The following DHRS3 variants were observed in gnomAD, a reference collection of about 807,000 sequenced individuals.
DHRS3 encodes dehydrogenase/reductase 3, also known as short-chain dehydrogenase/reductase 3.
Under a neutral mutation model 27.2 loss-of-function variants are expected in DHRS3, and 14 were observed. That is an observed-to-expected ratio of 0.52 (90% confidence interval 0.34 to 0.81). The LOEUF (loss-of-function observed/expected upper bound fraction) is 0.81. Ranked by LOEUF, DHRS3 falls within the 30% of genes least tolerant of loss-of-function variation. The pLI, the probability that DHRS3 is intolerant of heterozygous loss-of-function variation, is 0.01. For synonymous variants in DHRS3, 165 were observed against 175.9 expected, an observed-to-expected ratio of 0.94 and a Z score of 0.49; for missense variants, 322 against 406.2, an observed-to-expected ratio of 0.79 and a Z score of 1.78.
Position 12,618,107 on chromosome 1 carries a change from T to A in DHRS3, c.-759A>T, listed in dbSNP as rs1053258940. Among the ~76,000 whole-genome samples, 1 of 152,072 alleles carries A rather than the reference T, an allele frequency of 6.6e-6. No individual in the cohort carries two copies. The highest frequency in any genetic ancestry group is 6.5e-5 in the Admixed American group (1 of 15,274). Reference sequence around the variant, plus strand: ...CTCTGTTCCAGCAGAGGCTGGGAGTTGCCGCTCGATCCAGCTCCCCTTCTC... The same window carrying A: ...CTCTGTTCCAGCAGAGGCTGGGAGTAGCCGCTCGATCCAGCTCCCCTTCTC... On this transcript the variant is annotated 5_prime_UTR_variant, in exon 1 of 6. Coordinates refer to ENST00000616661, the MANE Select transcript of DHRS3 (RefSeq NM_004753.7). This position sits in a 1 kb window ranked among gnomAD's most constrained non-coding sequence, Gnocchi z 4.2.
chr1:12,603,410 CA>C (rs1269398673), intron 1 of DHRS3, among the ~76,000 whole-genome samples: 1 of 152,134 alleles, frequency 6.6e-6, no homozygotes, highest in East Asian at 1.9e-4. Flanking sequence ...AAATGCACAC[CA>C]AAATCTTAAC....
At chr1:12,582,928 A>T (rs1434860552) in intron 1 of DHRS3, among the ~76,000 whole-genome samples, 1 of 143,406 alleles carries the variant, frequency 7.0e-6, no homozygotes, top group East Asian at 2.1e-4. Flanking sequence ...CCATCCACTT[A>T]CCCACCCCAC....
At position 12,593,903 on chromosome 1, in the gene DHRS3, C is replaced by T. The variant is rs1196556870; in HGVS notation, c.196-13237G>A. Among the ~76,000 whole-genome samples, 2 of 152,248 alleles carry T rather than the reference C, an allele frequency of 1.3e-5. No homozygotes were observed. The highest frequency in any genetic ancestry group is 4.8e-5 in the African/African-American group (2 of 41,468). Reference sequence around the variant, plus strand: ...ACGGGCTGATGTTTCTTTTCACAAACATCCCCAGCCTACAAGACTGGCCAG... The same window carrying T: ...ACGGGCTGATGTTTCTTTTCACAAATATCCCCAGCCTACAAGACTGGCCAG... On this transcript the variant is annotated intron_variant, in intron 1 of 5. Coordinates refer to ENST00000616661, the MANE Select transcript of DHRS3 (RefSeq NM_004753.7). The surrounding 1 kb of genome is among the most constrained non-coding windows in gnomAD (Gnocchi z 4.6).
At position 12,617,237 on chromosome 1, in the gene DHRS3, G is replaced by C. The variant is rs371465880; in HGVS notation, c.112C>G (p.Arg38Gly). 4 of 1,613,720 alleles carry C rather than the reference G, an allele frequency of 2.5e-6. No homozygotes were observed. The Middle Eastern group carries it at 4.9e-4, about 200-fold the overall frequency. The part of the protein sequence containing the change: ...VLPAKLRDLS[R>G]ENVLITGGGR... ...CCGCCGGTGATGAGGACGTTCTCCC[G>C]CGACAGGTCCCGCAGCTTGGCGGGC... The change falls in exon 1 of 6, where the codon CGG (arginine) becomes GGG (glycine). Residue 38 changes from arginine (R) to glycine (G), a missense_variant. Arg to Gly is a moderately radical substitution (Grantham distance 125). Transcript: ENST00000616661.
intron 1 of DHRS3, among the ~76,000 whole-genome samples, chr1:12,583,485 C>T (rs1174508304): frequency 9.1e-5 from 13 of 142,204 alleles, no homozygotes; most frequent in Non-Finnish European, 1.7e-4. Flanking sequence ...CCCATCCACT[C>T]ACCTACTTAT....
intron 1 of DHRS3, chr1:12,616,944 G>A: frequency 2.3e-6 from 2 of 872,328 alleles, no homozygotes; most frequent in Non-Finnish European, 3.3e-6. Context: ...TCCCAAAGGA[G>A]CGGATCAACT....
chr1:12,570,843 C>T (rs562589152), intron 5 of DHRS3, among the ~76,000 whole-genome samples: 2 of 152,288 alleles, frequency 1.3e-5, no homozygotes, highest in South Asian at 4.1e-4. Flanking sequence ...CCTGGATGCC[C>T]CTGGGTGCCC....
rs1646607797 is a variant in DHRS3 at position 12,578,230 on chromosome 1, A to C, written c.698+488T>G. ...CTATAAGCTCCCTGAACCAAGCAGC[A>C]GGACCCTCCCCATCGTGGCATCACT... is the stretch of plus-strand genomic sequence containing the variant. On this transcript the variant is annotated intron_variant, in intron 4 of 5. Transcript: ENST00000616661. This position sits in a 1 kb window ranked among gnomAD's most constrained non-coding sequence, Gnocchi z 4.5. Among the ~76,000 whole-genome samples, 2 of 152,342 alleles carry C rather than the reference A, an allele frequency of 1.3e-5. No individual in the cohort carries two copies. Among genetic ancestry groups the C allele is most frequent in the South Asian group, 2.1e-4 (1 of 4,826 alleles).
intron 5 of DHRS3, among the ~76,000 whole-genome samples, chr1:12,571,631 G>A (rs768821455): frequency 4.0e-5 from 6 of 150,130 alleles, no homozygotes; most frequent in Non-Finnish European, 5.9e-5. Context: ...CCTGGGTTCC[G>A]GCAATTTTCC....
intron 1 of DHRS3, among the ~76,000 whole-genome samples, chr1:12,610,298 G>A (rs1223140946): frequency 6.6e-6 from 1 of 151,502 alleles, no homozygotes; most frequent in Non-Finnish European, 1.5e-5. Flanking sequence ...ACCATGTTGG[G>A]TCAAGCTGGT....
intron 1 of DHRS3, among the ~76,000 whole-genome samples, chr1:12,614,674 G>A (rs1646932400): frequency 6.7e-6 from 1 of 148,402 alleles, no homozygotes; most frequent in South Asian, 2.2e-4. Flanking sequence ...TCCTGGACAC[G>A]TCAGCTCTTT....
rs1463403783 is a variant in DHRS3, at chr1:12,568,163, C to A, written c.*177G>T. The A allele has an allele frequency of 3.3e-6, 2 of 606,284 alleles. No individual in the cohort carries two copies. The highest frequency in any genetic ancestry group is 5.9e-6 in the Non-Finnish European group (2 of 336,720). 37.6% of individuals were successfully genotyped at this position (606,284 alleles called of 1,614,324 possible). ...CCTCCCTGTGGGGGTCAGTTATACC[C>A]ATCAGTCCTGTGCAAAGGTCCTGGG... On this transcript the variant is annotated 3_prime_UTR_variant, in exon 6 of 6. Transcript: ENST00000616661.
chr1:12,588,844 T>G (rs1446700325), intron 1 of DHRS3, among the ~76,000 whole-genome samples: 1 of 152,210 alleles, frequency 6.6e-6, no homozygotes, highest in Non-Finnish European at 1.5e-5. Context: ...TGTTTATAAT[T>G]GGCAGCCCCT....
chr1:12,612,572 C>T (rs1177300392), intron 1 of DHRS3, among the ~76,000 whole-genome samples: 1 of 152,166 alleles, frequency 6.6e-6, no homozygotes, highest in East Asian at 1.9e-4. Context: ...CTTTCATGAG[C>T]ACCTGCTATA....
rs1278885900 is a variant in DHRS3, at chr1:12,618,191, T to C, written c.-843A>G. Among the ~76,000 whole-genome samples the C allele has an allele frequency of 1.3e-5, 2 of 152,156 alleles. No homozygotes were observed. Among genetic ancestry groups the C allele is most frequent in the East Asian group, 3.9e-4 (2 of 5,194 alleles). ...CTTTCCAACTTGGAGAGGGTCCGGG[T>C]GTGGAGCGCGCGTGGATCGGACGCC... On this transcript the variant is annotated 5_prime_UTR_variant, in exon 1 of 6. Transcript: ENST00000616661. This position sits in a 1 kb window ranked among gnomAD's most constrained non-coding sequence, Gnocchi z 4.2.
rs72871178 is a variant in DHRS3, at chr1:12,574,746, C to T, written c.699-1893G>A. 4.1e-3 allele frequency among the ~76,000 whole-genome samples: 619 copies of T among 152,296 alleles called. 6 individuals carry two copies. The highest frequency in any genetic ancestry group is 0.014 in the African/African-American group (565 of 41,550). On this transcript the variant is annotated intron_variant, in intron 4 of 5. Coordinates refer to ENST00000616661, the MANE Select transcript of DHRS3 (RefSeq NM_004753.7). The surrounding 1 kb of genome is among the most constrained non-coding windows in gnomAD (Gnocchi z 4.6). ...AGAGGAGGCCTCAAGCACGTCTGTG[C>T]GCAGGATTTTCTCCTTCCTCTCCAC...
intron 1 of DHRS3, among the ~76,000 whole-genome samples, chr1:12,611,159 G>A (rs1416115430): frequency 6.6e-6 from 1 of 152,194 alleles, no homozygotes; most frequent in African/African-American, 2.4e-5. Flanking sequence ...GAAGGGATCT[G>A]TGCAGCCATA....
intron 5 of DHRS3, among the ~76,000 whole-genome samples, chr1:12,572,065 T>A (rs1305447689): frequency 6.6e-6 from 1 of 152,256 alleles, no homozygotes; most frequent in African/African-American, 2.4e-5. Context: ...ACATAACTAG[T>A]TGTCATAAAA....
In DHRS3 at chr1:12,617,351, T is replaced by G; in HGVS notation, c.-3A>C. On this transcript the variant is annotated 5_prime_UTR_variant, in exon 1 of 6. Transcript: ENST00000616661. Reference sequence around the variant, plus strand: ...GCGCCCAGCCGTTTCCACACCATCCTCCGCGCCGCGGAGCCGGGCAGGGGG... The same window carrying G: ...GCGCCCAGCCGTTTCCACACCATCCGCCGCGCCGCGGAGCCGGGCAGGGGG... 3 of 1,595,068 alleles carry G rather than the reference T, an allele frequency of 1.9e-6. No individual in the cohort carries two copies. The highest frequency in any genetic ancestry group is 2.6e-6 in the Non-Finnish European group (3 of 1,165,848).
Sources: allele counts gnomAD v4.1 joint callset (sites outside exome capture counted in the v4.1 genomes callset), GRCh38; gene constraint gnomAD v4.1.1; non-coding constraint Gnocchi (gnomAD v3.1); transcripts MANE v1.5; gene names NCBI Gene and HGNC (gene_info 2026-07-23, HGNC 2026-07-21).